The following CLYBL variants were observed in gnomAD, a reference collection of about 807,000 sequenced individuals.
CLYBL encodes the protein citramalyl-CoA lyase, mitochondrial.
Under a neutral mutation model 38.9 loss-of-function variants are expected in CLYBL, and 31 were observed. The ratio of observed to expected loss-of-function variants is 0.80; its 90% confidence interval spans 0.60 to 1.08. The LOEUF (loss-of-function observed/expected upper bound fraction) is 1.08, where lower values mean the gene tolerates loss of function less well. CLYBL is among the 50% of genes least tolerant of loss of function. The pLI is 0.00. For missense variants in CLYBL, 434 were observed against 411.6 expected, an observed-to-expected ratio of 1.05 and a Z score of -0.47; for synonymous variants, 171 against 158.6, an observed-to-expected ratio of 1.08 and a Z score of -0.59.
At chr13:99,705,924 T>G in intron 1 of CLYBL, among the ~76,000 whole-genome samples, 1 of 152,098 alleles carries the variant, frequency 6.6e-6, no homozygotes. Flanking sequence ...TGCCCCAATT[T>G]TTTTTTTTGT....
intron 9 of CLYBL, among the ~76,000 whole-genome samples, chr13:99,906,899 C>T (rs1422861873): frequency 6.6e-6 from 1 of 152,224 alleles, no homozygotes; most frequent in Admixed American, 6.5e-5. Context: ...TGGCTTCGTG[C>T]ATCTGCAGAC....
intron 1 of CLYBL, among the ~76,000 whole-genome samples, chr13:99,761,952 T>C (rs2049174349): frequency 6.6e-6 from 1 of 152,220 alleles, no homozygotes; most frequent in African/African-American, 2.4e-5. Flanking sequence ...TACTTGGCCA[T>C]TTGTATGTCT....
intron 1 of CLYBL, among the ~76,000 whole-genome samples, chr13:99,614,545 G>A (rs1347080530): frequency 6.6e-6 from 1 of 152,008 alleles, no homozygotes; most frequent in Admixed American, 6.5e-5. Flanking sequence ...CCCGAATTGG[G>A]AGCTACACCT....
At chr13:99,742,615 T>A (rs1229087058) in intron 1 of CLYBL, among the ~76,000 whole-genome samples, 2 of 152,254 alleles carry the variant, frequency 1.3e-5, no homozygotes, top group South Asian at 2.1e-4. Flanking sequence ...GTAAATCACT[T>A]TAGAAATCTA....
intron 1 of CLYBL, among the ~76,000 whole-genome samples, chr13:99,736,931 T>C (rs909637147): frequency 3.3e-5 from 5 of 152,160 alleles, no homozygotes; most frequent in Non-Finnish European, 7.4e-5. Flanking sequence ...GTTGAATCAA[T>C]GAAATACTGA....
intron 2 of CLYBL, among the ~76,000 whole-genome samples, chr13:99,805,636 G>C (rs1017543113): frequency 6.6e-6 from 1 of 152,098 alleles, no homozygotes; most frequent in Admixed American, 6.6e-5. Context: ...GGATTATTTC[G>C]AGGTGCTTTT....
intron 1 of CLYBL, among the ~76,000 whole-genome samples, chr13:99,763,317 C>A (rs1355516718): frequency 6.6e-6 from 1 of 152,068 alleles, no homozygotes; most frequent in African/African-American, 2.4e-5. Flanking sequence ...TCATATATGA[C>A]CCCTATATTT....
chr13:99,788,477 G>A (rs1018728692), intron 2 of CLYBL, among the ~76,000 whole-genome samples: 1 of 152,066 alleles, frequency 6.6e-6, no homozygotes, highest in Non-Finnish European at 1.5e-5. Flanking sequence ...TTTGTCTTTG[G>A]TTCTGTTTAT....
intron 1 of CLYBL, among the ~76,000 whole-genome samples, chr13:99,689,776 A>AT (rs11428657): frequency 0.98 from 148,382 of 151,948 alleles, 72,555 homozygotes; most frequent in East Asian, 1. Flanking sequence ...TTTTTCAAGT[A>AT]TTTTTTTTAA....
chr13:99,663,200 C>A (rs1036270785), intron 1 of CLYBL, among the ~76,000 whole-genome samples: 5 of 152,196 alleles, frequency 3.3e-5, no homozygotes, highest in African/African-American at 1.2e-4. Flanking sequence ...ACTGAATAAA[C>A]CCTAAAGATA....
chr13:99,853,074 G>A (rs2051369825), intron 2 of CLYBL, among the ~76,000 whole-genome samples: 1 of 92,350 alleles, frequency 1.1e-5, no homozygotes, highest in East Asian at 4.0e-4. Context: ...TATGTTCTAT[G>A]AATTCTGACA....
intron 2 of CLYBL, among the ~76,000 whole-genome samples, chr13:99,813,594 T>A (rs575799789): frequency 6.6e-6 from 1 of 152,308 alleles, no homozygotes; most frequent in East Asian, 1.9e-4. Flanking sequence ...ACTAACCACT[T>A]ACCACTTACT....
At chr13:99,742,183 G>C (rs534001636) in intron 1 of CLYBL, among the ~76,000 whole-genome samples, 87 of 152,282 alleles carry the variant, frequency 5.7e-4, no homozygotes, top group African/African-American at 2.0e-3. Context: ...GGTTCCGGGA[G>C]CCCTTTCACT....
At chr13:99,904,706 T>C (rs2052677054) in intron 8 of CLYBL, among the ~76,000 whole-genome samples, 1 of 152,110 alleles carries the variant, frequency 6.6e-6, no homozygotes, top group Non-Finnish European at 1.5e-5. Context: ...TTAAAGCATA[T>C]AAGTAAAAAG....
chr13:99,846,125 G>C (rs1177413424), intron 2 of CLYBL, among the ~76,000 whole-genome samples: 2 of 151,964 alleles, frequency 1.3e-5, no homozygotes, highest in East Asian at 3.9e-4. Context: ...TCCAGCCTGG[G>C]CCAGCAGAGC....
intron 9 of CLYBL, among the ~76,000 whole-genome samples, chr13:99,907,591 GTCACACCTGTAA>G (rs2052709562): frequency 6.6e-6 from 1 of 151,898 alleles, no homozygotes; most frequent in South Asian, 2.1e-4. Context: ...GGCATGATGG[GTCACACCTGTAA>G]TCCCAGAGAC....
rs552598186 is a variant in CLYBL at position 99,631,248 on chromosome 13, G to T, written c.62+24491G>T. On this transcript the variant is annotated intron_variant, in intron 1 of 8. Coordinates refer to ENST00000339105, the MANE Select transcript of CLYBL (RefSeq NM_206808.5). ...GAGGTGGGAGGATTGCTTGAGCCTG[G>T]GAGGCAGAAGTTGCAGTGACCTGAG... 3.2e-4 allele frequency among the ~76,000 whole-genome samples: 49 copies of T among 152,050 alleles called. 1 individual carries two copies. Among genetic ancestry groups the T allele is most frequent in the Admixed American group, 2.6e-3 (39 of 15,290 alleles).
intron 1 of CLYBL, among the ~76,000 whole-genome samples, chr13:99,689,272 G>T (rs1044757122): frequency 6.6e-6 from 1 of 152,216 alleles, no homozygotes; most frequent in African/African-American, 2.4e-5. Flanking sequence ...AGAATGGAGA[G>T]GCATCACGCT....
intron 2 of CLYBL, among the ~76,000 whole-genome samples, chr13:99,856,556 A>G (rs1480884050): frequency 6.6e-6 from 1 of 152,210 alleles, no homozygotes; most frequent in African/African-American, 2.4e-5. Flanking sequence ...TAGGCTACAC[A>G]GAGAAGAACA....
Sources: allele counts gnomAD v4.1 joint callset (sites outside exome capture counted in the v4.1 genomes callset), GRCh38; gene constraint gnomAD v4.1.1; transcripts MANE v1.5; gene names NCBI Gene and HGNC (gene_info 2026-07-23, HGNC 2026-07-21).